The following CREB5 variants were observed in gnomAD, a reference collection of about 807,000 sequenced individuals.
The protein encoded by CREB5 is cAMP responsive element binding protein 5, also known as cyclic AMP-responsive element-binding protein 5.
Under a neutral mutation model 57.1 loss-of-function variants are expected in CREB5, and 19 were observed. That is an observed-to-expected ratio of 0.33 (90% CI 0.23 to 0.49). CREB5 has a LOEUF of 0.49. Ranked by LOEUF, CREB5 falls within the 20% of genes least tolerant of loss-of-function variation. The pLI is 0.99. For synonymous variants in CREB5, 238 were observed against 238.3 expected (o/e 1.00, Z 0.01); for missense variants, 579 against 671.6 (o/e 0.86, Z 1.52).
intron 1 of CREB5, among the ~76,000 whole-genome samples, chr7:28,450,305 C>G (rs920072961): frequency 6.6e-6 from 1 of 152,136 alleles, no homozygotes; most frequent in Non-Finnish European, 1.5e-5. Context: ...TCATGGACAT[C>G]TGAAGGCTTT....
At chr7:28,696,789 T>TATACGTATACGTATATATACAC (rs1315693474) in intron 5 of CREB5, among the ~76,000 whole-genome samples, 1 of 147,822 alleles carries the variant, frequency 6.8e-6, no homozygotes, top group Non-Finnish European at 1.5e-5. Context: ...TACACATACG[T>TATACGTATACGTATATATACAC]ATACGTATAC....
At chr7:28,635,429 TG>T (rs1182911756) in intron 5 of CREB5, among the ~76,000 whole-genome samples, 1 of 152,196 alleles carries the variant, frequency 6.6e-6, no homozygotes, top group African/African-American at 2.4e-5. Flanking sequence ...AACTAATACT[TG>T]TTGGCCACTT....
intron 5 of CREB5, among the ~76,000 whole-genome samples, chr7:28,581,928 C>A (rs1002986332): frequency 1.3e-5 from 2 of 152,178 alleles, no homozygotes. Flanking sequence ...GAAAGAAGAA[C>A]CTCCTCTCCC....
At chr7:28,755,828 A>G (rs1297929092) in intron 7 of CREB5, among the ~76,000 whole-genome samples, 3 of 152,144 alleles carry the variant, frequency 2.0e-5, no homozygotes. Flanking sequence ...TTATTCAGGT[A>G]GGCCCTAAAA....
intron 5 of CREB5, among the ~76,000 whole-genome samples, chr7:28,696,463 TGG>T (rs1313433947): frequency 1.3e-5 from 2 of 152,216 alleles, no homozygotes; most frequent in African/African-American, 4.8e-5. Context: ...CCCTTTGAAA[TGG>T]GCCAGTGTTT....
intron 1 of CREB5, among the ~76,000 whole-genome samples, chr7:28,406,255 G>A (rs1457248454): frequency 6.6e-6 from 1 of 152,180 alleles, no homozygotes; most frequent in Non-Finnish European, 1.5e-5. Flanking sequence ...TCTTCCATGG[G>A]AGTTGGTAAA....
intron 1 of CREB5, among the ~76,000 whole-genome samples, chr7:28,364,175 T>C (rs577364962): frequency 1.3e-5 from 2 of 152,324 alleles, no homozygotes; most frequent in Admixed American, 1.3e-4. Context: ...CAATTGGGTG[T>C]TAAAAACTTT....
intron 3 of CREB5, 125 bp downstream of exon 3, chr7:28,495,124 G>A: frequency 1.8e-6 from 1 of 549,048 alleles, no homozygotes; most frequent in South Asian, 4.4e-5. Flanking sequence ...CATTTCTAAG[G>A]TATAGCAGAA....
chr7:28,799,847 T>C (rs993591385), intron 7 of CREB5, among the ~76,000 whole-genome samples: 1 of 152,250 alleles, frequency 6.6e-6, no homozygotes, highest in East Asian at 1.9e-4. Flanking sequence ...ACTTCTGTAG[T>C]TGATTCTGCT....
chr7:28,564,182 GAT>G (rs1795391824), intron 4 of CREB5, among the ~76,000 whole-genome samples: 1 of 152,216 alleles, frequency 6.6e-6, no homozygotes, highest in African/African-American at 2.4e-5. Context: ...GCATCATTAA[GAT>G]GCAGACAACT....
At chr7:28,590,672 TATA>T (rs71555752) in intron 5 of CREB5, among the ~76,000 whole-genome samples, 15,335 of 142,778 alleles carry the variant, frequency 0.11, 1,021 homozygotes, top group African/African-American at 0.18. Flanking sequence ...GAACTTAAAG[TATA>T]ATAATAATAA....
At chr7:28,642,991 C>CACACACACACACAT (rs1798735737) in intron 5 of CREB5, among the ~76,000 whole-genome samples, 20 of 114,654 alleles carry the variant, frequency 1.7e-4, no homozygotes, top group Non-Finnish European at 7.6e-5. Context: ...CACACATACA[C>CACACACACACACAT]ACACACACAC....
Position 28,822,453 on chromosome 7 carries a change from A to G in CREB5, c.*3174A>G. 1 of 152,638 alleles carries G rather than the reference A, an allele frequency of 6.6e-6. No homozygotes were observed. The highest frequency in any genetic ancestry group is 2.1e-4 in the South Asian group (1 of 4,834). 9.5% of individuals were successfully genotyped at this position (152,638 alleles called of 1,614,324 possible). A position where few individuals can be genotyped will look rare whatever the true frequency, so the allele number is the denominator to read the frequency against. ...TGTACTCCATTCTCCTCCCTCAGCC[A>G]GTTACTGGGTCACCCATCCATGTGT... On this transcript the variant is annotated 3_prime_UTR_variant, in exon 11 of 11. Transcript: ENST00000357727.
chr7:28,754,320 G>A (rs1007583410), intron 7 of CREB5, among the ~76,000 whole-genome samples: 1 of 152,200 alleles, frequency 6.6e-6, no homozygotes, highest in African/African-American at 2.4e-5. Flanking sequence ...TGTAGTGATG[G>A]CACTGTGTGT....
At chr7:28,690,557 T>G (rs1225922393) in intron 5 of CREB5, among the ~76,000 whole-genome samples, 1 of 152,168 alleles carries the variant, frequency 6.6e-6, no homozygotes, top group African/African-American at 2.4e-5. Flanking sequence ...TGTGTGACTT[T>G]GACAAGCCAC....
At chr7:28,555,528 A>G (rs1363192842) in intron 4 of CREB5, among the ~76,000 whole-genome samples, 1 of 152,222 alleles carries the variant, frequency 6.6e-6, no homozygotes, top group African/African-American at 2.4e-5. Flanking sequence ...ACTGTTTCAT[A>G]AAGTGACTAG....
intron 5 of CREB5, among the ~76,000 whole-genome samples, chr7:28,631,097 G>A (rs1032653073): frequency 5.9e-5 from 9 of 152,150 alleles, no homozygotes; most frequent in Non-Finnish European, 1.2e-4. Context: ...AGAGACGTAC[G>A]GAAACTTTTC....
chr7:28,454,495 T>A (rs900756061), intron 1 of CREB5, among the ~76,000 whole-genome samples: 1 of 152,254 alleles, frequency 6.6e-6, no homozygotes, highest in South Asian at 2.1e-4. Context: ...GGACTTCTCT[T>A]TTCTAGTTTT....
At chr7:28,777,815 A>T (rs1023841471) in intron 7 of CREB5, among the ~76,000 whole-genome samples, 5 of 152,292 alleles carry the variant, frequency 3.3e-5, no homozygotes, top group African/African-American at 1.2e-4. Flanking sequence ...AACAACAAAA[A>T]CAATTTTAGG....
Sources: allele counts gnomAD v4.1 joint callset (sites outside exome capture counted in the v4.1 genomes callset), GRCh38; gene constraint gnomAD v4.1.1; transcripts MANE v1.5; gene names NCBI Gene and HGNC (gene_info 2026-07-23, HGNC 2026-07-21).